GRM7: variants seen among roughly 807,000 people sequenced by gnomAD.
GRM7 encodes metabotropic glutamate receptor 7.
Under a neutral mutation model 84.5 loss-of-function variants are expected in GRM7, and 35 were observed. The observed-to-expected ratio is 0.41, with a 90% CI of 0.32 to 0.55. The LOEUF is 0.55. GRM7 is among the 20% of genes least tolerant of loss of function. The pLI is 0.19. For missense variants in GRM7, 1,003 were observed against 1,194.6 expected (o/e 0.84, Z 2.36); for synonymous variants, 487 against 455.1 (o/e 1.07, Z -0.89).
intron 7 of GRM7, among the ~76,000 whole-genome samples, chr3:7,553,493 T>C (rs878857381): frequency 6.6e-6 from 1 of 152,142 alleles, no homozygotes; most frequent in South Asian, 2.1e-4. Context: ...CATATGGCCA[T>C]AAAGAACTTC....
At chr3:7,020,680 C>T (rs1010101704) in intron 1 of GRM7, among the ~76,000 whole-genome samples, 2 of 152,158 alleles carry the variant, frequency 1.3e-5, no homozygotes, top group African/African-American at 4.8e-5. Context: ...AGGGTGACTA[C>T]AACACTATAA....
At chr3:7,200,645 C>T (rs1352183911) in intron 2 of GRM7, among the ~76,000 whole-genome samples, 1 of 152,130 alleles carries the variant, frequency 6.6e-6, no homozygotes, top group African/African-American at 2.4e-5. Flanking sequence ...GAATTGGATT[C>T]TGTGGGTCTG....
chr3:7,353,438 T>TA (rs1693248565), intron 4 of GRM7, among the ~76,000 whole-genome samples: 1 of 152,034 alleles, frequency 6.6e-6, no homozygotes, highest in East Asian at 1.9e-4. Context: ...CCGGGGAAGT[T>TA]AAAAAACTTA....
intron 9 of GRM7, among the ~76,000 whole-genome samples, chr3:7,700,757 C>T (rs1298004234): frequency 6.6e-6 from 1 of 152,140 alleles, no homozygotes; most frequent in East Asian, 1.9e-4. Flanking sequence ...AAACATCTGC[C>T]ACGCATTGTT....
At chr3:7,669,559 T>A (rs1057124879) in intron 8 of GRM7, among the ~76,000 whole-genome samples, 2 of 152,112 alleles carry the variant, frequency 1.3e-5, no homozygotes, top group Non-Finnish European at 2.9e-5. Flanking sequence ...AAGAAAAGAA[T>A]GAGACCTAGA....
intron 2 of GRM7, among the ~76,000 whole-genome samples, chr3:7,182,869 G>A (rs1029844128): frequency 9.6e-5 from 14 of 145,604 alleles, no homozygotes; most frequent in Admixed American, 3.4e-4. Flanking sequence ...GACCTTGTGT[G>A]CTAGGTTTTA....
intron 8 of GRM7, among the ~76,000 whole-genome samples, chr3:7,649,095 A>G (rs1015132539): frequency 6.6e-5 from 10 of 150,538 alleles, no homozygotes; most frequent in Non-Finnish European, 1.3e-4. Flanking sequence ...TTTGAGATGG[A>G]GTCTCGCTCT....
chr3:7,350,302 G>A (rs186759742), intron 4 of GRM7, among the ~76,000 whole-genome samples: 5 of 152,228 alleles, frequency 3.3e-5, no homozygotes, highest in African/African-American at 1.2e-4. Context: ...AATATTGGAG[G>A]TGGGGCCTGG....
intron 9 of GRM7, among the ~76,000 whole-genome samples, chr3:7,690,860 T>TATCA: frequency 1.3e-5 from 2 of 152,352 alleles, no homozygotes; most frequent in Middle Eastern, 6.8e-3. Context: ...ATTTTGTCTT[T>TATCA]ATCATGATAC....
chr3:7,559,770 A>G (rs1693931934), intron 7 of GRM7, among the ~76,000 whole-genome samples: 1 of 152,114 alleles, frequency 6.6e-6, no homozygotes, highest in Admixed American at 6.6e-5. Flanking sequence ...CGACTGGGTG[A>G]CTTAAACCCA....
chr3:7,230,646 AGCG>A (rs1233571661), intron 2 of GRM7, among the ~76,000 whole-genome samples: 1 of 152,236 alleles, frequency 6.6e-6, no homozygotes, highest in Non-Finnish European at 1.5e-5. Context: ...GGTATGGGTC[AGCG>A]GCTTAATGCA....
At chr3:7,225,347 A>G (rs1696948089) in intron 2 of GRM7, among the ~76,000 whole-genome samples, 1 of 149,248 alleles carries the variant, frequency 6.7e-6, no homozygotes, top group African/African-American at 2.4e-5. Flanking sequence ...CTTATTATAT[A>G]TACAATTTCT....
intron 1 of GRM7, among the ~76,000 whole-genome samples, chr3:6,882,684 T>A (rs942713622): frequency 6.6e-6 from 1 of 152,260 alleles, no homozygotes; most frequent in Non-Finnish European, 1.5e-5. Flanking sequence ...ATAATACTTT[T>A]AATTATTAGA....
intron 9 of GRM7, among the ~76,000 whole-genome samples, chr3:7,727,233 G>A (rs1022507569): frequency 1.8e-4 from 27 of 152,192 alleles, no homozygotes; most frequent in African/African-American, 6.3e-4. Context: ...ACCCTTTAAT[G>A]TTAGGCATTT....
intron 2 of GRM7, among the ~76,000 whole-genome samples, chr3:7,220,520 C>T (rs1696765396): frequency 6.6e-6 from 1 of 152,124 alleles, no homozygotes; most frequent in Non-Finnish European, 1.5e-5. Flanking sequence ...GAAAAACTGT[C>T]ATAGCCAAGA....
intron 1 of GRM7, among the ~76,000 whole-genome samples, chr3:6,934,580 T>G (rs1420203440): frequency 6.6e-6 from 1 of 152,154 alleles, no homozygotes; most frequent in African/African-American, 2.4e-5. Context: ...AGGGTATAAC[T>G]GCATATATTT....
At chr3:7,557,132 G>C (rs1377336321) in intron 7 of GRM7, among the ~76,000 whole-genome samples, 1 of 152,176 alleles carries the variant, frequency 6.6e-6, no homozygotes, top group African/African-American at 2.4e-5. Context: ...TCTAGTGGAT[G>C]TGTGTGGATC....
At chr3:7,295,723 A>G (rs756492578) in intron 2 of GRM7, among the ~76,000 whole-genome samples, 40 of 152,228 alleles carry the variant, frequency 2.6e-4, no homozygotes, top group Admixed American at 1.6e-3. Context: ...TTTCAATGTA[A>G]AATTCAGTAG....
At chr3:7,058,555 T>G (rs957803167) in intron 1 of GRM7, among the ~76,000 whole-genome samples, 1 of 151,918 alleles carries the variant, frequency 6.6e-6, no homozygotes, top group Non-Finnish European at 1.5e-5. Context: ...GGTGTTTATT[T>G]TATATATCAT....
Sources: allele counts gnomAD v4.1 joint callset (sites outside exome capture counted in the v4.1 genomes callset), GRCh38; gene constraint gnomAD v4.1.1; transcripts MANE v1.5; gene names NCBI Gene and HGNC (gene_info 2026-07-23, HGNC 2026-07-21).